The following USP34 variants were observed in gnomAD, a reference collection of about 807,000 sequenced individuals.
The protein encoded by USP34 is ubiquitin carboxyl-terminal hydrolase 34.
USP34 carries 70 observed loss-of-function variants against 460.3 expected under a neutral mutation model. The observed-to-expected ratio is 0.15, with a 90% CI of 0.13 to 0.19. The LOEUF (loss-of-function observed/expected upper bound fraction) is 0.19, where lower values mean the gene tolerates loss of function less well. USP34 is among the 10% of genes least tolerant of loss of function. USP34 has a pLI of 1.00. For missense variants in USP34, 3,985 were observed against 4,236.2 expected (o/e 0.94, Z 1.65); for synonymous variants, 1,647 against 1,405.3 (o/e 1.17, Z -3.85).
At position 61,204,626 on chromosome 2, in the gene USP34, T is replaced by C. The variant is rs372405434; in HGVS notation, c.9155-25A>G. The C allele has an allele frequency of 2.7e-5, 43 of 1,585,144 alleles. No individual in the cohort carries two copies. The African/African-American group carries it at 4.2e-4, about 15-fold the overall frequency. Reference sequence around the variant, plus strand: ...TCTGAAAATAAAAACAAAGTTTGGGTAGCAAAAAATTAAGAGTTATATCTG... The same window carrying C: ...TCTGAAAATAAAAACAAAGTTTGGGCAGCAAAAAATTAAGAGTTATATCTG... On this transcript the variant is annotated intron_variant, in intron 72 of 79. Transcript: ENST00000398571.
intron 76 of USP34, among the ~76,000 whole-genome samples, chr2:61,192,687 C>G (rs534698814): frequency 1.3e-5 from 2 of 152,108 alleles, no homozygotes; most frequent in Non-Finnish European, 2.9e-5. Context: ...TTAAAATATC[C>G]TCTATGATAG....
At chr2:61,320,692 T>A (rs183925196) in intron 21 of USP34, among the ~76,000 whole-genome samples, 1 of 152,042 alleles carries the variant, frequency 6.6e-6, no homozygotes, top group Non-Finnish European at 1.5e-5. Context: ...TAGGAAGACA[T>A]TGTCTTTACA....
chr2:61,283,340 A>C, intron 36 of USP34, 69 bp downstream of exon 36: 1 of 1,577,550 alleles, frequency 6.3e-7, no homozygotes, highest in Non-Finnish European at 8.6e-7. Context: ...GTTCAATATT[A>C]AAGGTAAAAT....
intron 1 of USP34, among the ~76,000 whole-genome samples, chr2:61,434,559 C>G (rs928918707): frequency 6.6e-6 from 1 of 152,154 alleles, no homozygotes; most frequent in Non-Finnish European, 1.5e-5. Flanking sequence ...GAGAAACAGC[C>G]CAATGAGCCA....
chr2:61,372,972 G>A (rs1198486746), intron 8 of USP34, among the ~76,000 whole-genome samples: 1 of 152,080 alleles, frequency 6.6e-6, no homozygotes, highest in Non-Finnish European at 1.5e-5. Context: ...GTAGTCAAAT[G>A]ATTTAAAGGA....
intron 37 of USP34, among the ~76,000 whole-genome samples, chr2:61,282,092 C>T (rs527804718): frequency 7.2e-5 from 11 of 152,244 alleles, no homozygotes; most frequent in African/African-American, 2.4e-4. Flanking sequence ...TGGGTTCAAG[C>T]GATTCTCCTG....
rs187435102 is a variant in USP34 at position 61,461,389 on chromosome 2, G to A, written c.43+9261C>T. ...CCCTAGTGAACAAGAGCGAAATTCCGCCTCAAAAAAATAAAAAAAAAAACC... is the reference window on the plus strand; with the variant it reads ...CCCTAGTGAACAAGAGCGAAATTCCACCTCAAAAAAATAAAAAAAAAAACC... On this transcript the variant is annotated intron_variant, in intron 1 of 79. Transcript: ENST00000398571. Among the ~76,000 whole-genome samples, 312 of 148,702 alleles carry A rather than the reference G, an allele frequency of 2.1e-3. 2 individuals carry two copies. The highest frequency in any genetic ancestry group is 3.1e-3 in the Non-Finnish European group (206 of 67,490).
At chr2:61,436,535 A>C (rs1694818005) in intron 1 of USP34, among the ~76,000 whole-genome samples, 1 of 152,186 alleles carries the variant, frequency 6.6e-6, no homozygotes, top group South Asian at 2.1e-4. Flanking sequence ...CGCAACCAAC[A>C]CCAGAGGACC....
chr2:61,197,841 C>A (rs1686853859), intron 75 of USP34, among the ~76,000 whole-genome samples: 1 of 152,208 alleles, frequency 6.6e-6, no homozygotes, highest in Non-Finnish European at 1.5e-5. Flanking sequence ...CTCACTGCAA[C>A]CTCCACCTCC....
chr2:61,342,452 C>G (rs964174695), intron 16 of USP34, among the ~76,000 whole-genome samples: 1 of 151,588 alleles, frequency 6.6e-6, no homozygotes, highest in Non-Finnish European at 1.5e-5. Context: ...AGGTGAGCAC[C>G]ACCATACGCA....
chr2:61,291,041 A>C (rs72813512), intron 33 of USP34, among the ~76,000 whole-genome samples: 1,903 of 152,252 alleles, frequency 0.012, 42 homozygotes, highest in Non-Finnish European at 0.012. Flanking sequence ...GAACGGGAGA[A>C]AATATTTGTA....
intron 69 of USP34, among the ~76,000 whole-genome samples, chr2:61,209,628 A>G (rs1298810715): frequency 6.6e-6 from 1 of 152,248 alleles, no homozygotes; most frequent in Non-Finnish European, 1.5e-5. Flanking sequence ...AATTATGTAC[A>G]GTACCTAATA....
At chr2:61,342,007 C>T (rs1380770195) in intron 16 of USP34, among the ~76,000 whole-genome samples, 1 of 152,028 alleles carries the variant, frequency 6.6e-6, no homozygotes, top group African/African-American at 2.4e-5. Flanking sequence ...AGATGATCCA[C>T]CTGTCTCGGC....
intron 8 of USP34, among the ~76,000 whole-genome samples, chr2:61,377,992 G>C (rs1692847126): frequency 6.6e-6 from 1 of 152,166 alleles, no homozygotes; most frequent in African/African-American, 2.4e-5. Flanking sequence ...GAGCAACATG[G>C]CAAAACTCTG....
intron 16 of USP34, among the ~76,000 whole-genome samples, chr2:61,341,989 C>T (rs1691618011): frequency 6.6e-6 from 1 of 152,020 alleles, no homozygotes; most frequent in African/African-American, 2.4e-5. Flanking sequence ...CCTCGAGATG[C>T]TGACCTCAGA....
At position 61,310,682 on chromosome 2, in the gene USP34, C is replaced by CAT. The variant is rs900252049; in HGVS notation, c.3817+856_3817+857dup. Among the ~76,000 whole-genome samples, 13 of 149,372 alleles carry CAT rather than the reference C, an allele frequency of 8.7e-5. No individual in the cohort carries two copies. The East Asian group carries it at 1.4e-3, about 16-fold the overall frequency. ...ATATATATATACACATATACATATA[C>CAT]ATATATATATATTAGGCCTACATGA... On this transcript the variant is annotated intron_variant, in intron 27 of 79. Coordinates refer to ENST00000398571, the MANE Select transcript of USP34 (RefSeq NM_014709.4).
At chr2:61,383,437 G>A (rs561132217) in intron 5 of USP34, 101 bp from the exon 6 acceptor site, 45 of 796,742 alleles carry the variant, frequency 5.6e-5, no homozygotes, top group South Asian at 3.2e-4. Flanking sequence ...AGGCACGGTC[G>A]CTCACGCCTG....
At chr2:61,326,701 A>C (rs1691100912) in intron 20 of USP34, among the ~76,000 whole-genome samples, 1 of 151,948 alleles carries the variant, frequency 6.6e-6, no homozygotes, top group South Asian at 2.1e-4. Context: ...TCAACTGCCC[A>C]AACTGCTTTG....
intron 41 of USP34, 147 bp downstream of exon 41, chr2:61,278,018 C>CTCTT (rs1481052354): frequency 6.2e-5 from 65 of 1,049,542 alleles, no homozygotes; most frequent in Non-Finnish European, 8.4e-5. Flanking sequence ...ACATGGAACT[C>CTCTT]TGAGTCGAAT....
Sources: allele counts gnomAD v4.1 joint callset (sites outside exome capture counted in the v4.1 genomes callset), GRCh38; gene constraint gnomAD v4.1.1; transcripts MANE v1.5; gene names NCBI Gene and HGNC (gene_info 2026-07-23, HGNC 2026-07-21).